RYR3: variants seen among roughly 807,000 people sequenced by gnomAD.
The protein encoded by RYR3 is brain ryanodine receptor-calcium release channel.
RYR3 carries 207 observed loss-of-function variants against 584.3 expected under a neutral mutation model. The observed-to-expected ratio is 0.35, with a 90% CI of 0.32 to 0.40. RYR3 has a LOEUF of 0.40. Ranked by LOEUF, RYR3 falls within the 10% of genes least tolerant of loss-of-function variation. The pLI, the probability that RYR3 is intolerant of heterozygous loss-of-function variation, is 1.00. For synonymous variants in RYR3, 2,416 were observed against 2,248.5 expected, an observed-to-expected ratio of 1.07 and a Z score of -2.11; for missense variants, 5,616 against 6,089.2, an observed-to-expected ratio of 0.92 and a Z score of 2.59.
At chr15:33,746,785 A>G (rs1364481317) in intron 53 of RYR3, among the ~76,000 whole-genome samples, 1 of 150,476 alleles carries the variant, frequency 6.6e-6, no homozygotes, top group Non-Finnish European at 1.5e-5. Flanking sequence ...TCAGACAAAA[A>G]TAATTTCTTT....
intron 12 of RYR3, 145 bp downstream of exon 12, chr15:33,566,944 T>A: frequency 1.1e-6 from 1 of 951,352 alleles, no homozygotes; most frequent in Non-Finnish European, 1.6e-6. Flanking sequence ...AGCTTGAGAC[T>A]GAAACATATT....
At chr15:33,740,771 A>G (rs924169416) in intron 51 of RYR3, among the ~76,000 whole-genome samples, 1 of 152,230 alleles carries the variant, frequency 6.6e-6, no homozygotes, top group Non-Finnish European at 1.5e-5. Flanking sequence ...CCTGTCCTTC[A>G]TGGCAGTAGT....
chr15:33,678,639 C>T (rs1439656332), intron 38 of RYR3, among the ~76,000 whole-genome samples: 2 of 152,074 alleles, frequency 1.3e-5, no homozygotes, highest in South Asian at 2.1e-4. Flanking sequence ...CCAAGGAAGC[C>T]GATATAGAAA....
intron 91 of RYR3, 48 bp from the exon 92 acceptor site, chr15:33,843,440 C>CT (rs1253516672): frequency 5.1e-6 from 7 of 1,361,742 alleles, no homozygotes; most frequent in Non-Finnish European, 7.2e-6. Context: ...AGGAAGTTCT[C>CT]TTTTCCTTCC....
chr15:33,423,031 T>C (rs565585653), intron 1 of RYR3, among the ~76,000 whole-genome samples: 1 of 152,334 alleles, frequency 6.6e-6, no homozygotes, highest in East Asian at 1.9e-4. Flanking sequence ...TTTAACAAGT[T>C]TTAATTTTAA....
chr15:33,464,573 AAT>A (rs2048339634), intron 1 of RYR3, among the ~76,000 whole-genome samples: 1 of 147,948 alleles, frequency 6.8e-6, no homozygotes, highest in Non-Finnish European at 1.5e-5. Flanking sequence ...ATATGTATTT[AAT>A]ATATAATGTA....
At chr15:33,347,485 C>T (rs1383999212) in intron 1 of RYR3, among the ~76,000 whole-genome samples, 3 of 148,456 alleles carry the variant, frequency 2.0e-5, no homozygotes, top group African/African-American at 7.5e-5. Flanking sequence ...CTTGCTCTGT[C>T]GCCCAGGCTG....
At chr15:33,535,648 T>C (rs58033263) in intron 5 of RYR3, among the ~76,000 whole-genome samples, 1,585 of 152,338 alleles carry the variant, frequency 0.01, 32 homozygotes, top group African/African-American at 0.036. Context: ...GTAAAATAAC[T>C]TGATACTTTT....
intron 67 of RYR3, among the ~76,000 whole-genome samples, chr15:33,796,477 T>C (rs985786399): frequency 1.3e-5 from 2 of 152,200 alleles, no homozygotes; most frequent in Admixed American, 1.3e-4. Flanking sequence ...TCCTTCCTTC[T>C]GCCACCCCCC....
intron 1 of RYR3, among the ~76,000 whole-genome samples, chr15:33,331,415 A>G (rs1970363916): frequency 6.6e-6 from 1 of 152,150 alleles, no homozygotes; most frequent in African/African-American, 2.4e-5. Context: ...TTTTATAAGG[A>G]TGCACTGAAG....
intron 1 of RYR3, among the ~76,000 whole-genome samples, chr15:33,332,859 G>A (rs1970520261): frequency 6.6e-6 from 1 of 152,030 alleles, no homozygotes; most frequent in Non-Finnish European, 1.5e-5. Context: ...AAAATTTTCT[G>A]TAGCAGAACA....
intron 10 of RYR3, among the ~76,000 whole-genome samples, chr15:33,554,217 C>A (rs1193943423): frequency 6.6e-6 from 1 of 151,880 alleles, no homozygotes; most frequent in Non-Finnish European, 1.5e-5. Context: ...TTGAAAAATG[C>A]TTGCTGAAGG....
intron 100 of RYR3, 62 bp downstream of exon 100, chr15:33,859,793 C>A: frequency 6.7e-7 from 1 of 1,489,872 alleles, no homozygotes; most frequent in South Asian, 1.2e-5. Context: ...TGCTTTCTTC[C>A]ATCTATGACT....
Position 33,838,363 on chromosome 15 carries a change from G to A in RYR3, c.12383G>A (p.Gly4128Asp). ...EDSSYVLEIA[G>D]EEEEDGSLEP... is the part of the protein sequence containing the mutation. ...TCTTCTTACGTGTTAGAAATTGCGGGTGAAGAGGAAGAAGACGGGTCTCTT... is the reference window on the plus strand; with the variant it reads ...TCTTCTTACGTGTTAGAAATTGCGGATGAAGAGGAAGAAGACGGGTCTCTT... Residue 4128 changes from glycine to aspartate, a missense_variant, in exon 89 of 104, where the codon GGT becomes GAT. Around this residue, in one of 9 missense-constraint regions of RYR3, gnomAD observed 258 missense variants for 297.3 expected, o/e 0.87. Transcript: ENST00000634891. The A allele has an allele frequency of 6.2e-7, 1 of 1,614,002 alleles. No homozygotes were observed. The highest frequency in any genetic ancestry group is 8.5e-7 in the Non-Finnish European group (1 of 1,179,888).
At chr15:33,382,319 CTTTT>C (rs34767570) in intron 1 of RYR3, among the ~76,000 whole-genome samples, 26 of 104,786 alleles carry the variant, frequency 2.5e-4, no homozygotes, top group Non-Finnish European at 3.7e-4. Flanking sequence ...TTAAAAGTGG[CTTTT>C]TTTTTTTTTT....
At chr15:33,477,582 A>C (rs1470316386) in intron 2 of RYR3, among the ~76,000 whole-genome samples, 6 of 150,552 alleles carry the variant, frequency 4.0e-5, no homozygotes, top group Admixed American at 4.0e-4. Flanking sequence ...TGTTAAAAAA[A>C]AAAAAAAAAA....
At chr15:33,438,101 G>A (rs1380681773) in intron 1 of RYR3, among the ~76,000 whole-genome samples, 3 of 152,152 alleles carry the variant, frequency 2.0e-5, no homozygotes, top group Non-Finnish European at 2.9e-5. Context: ...CAGAAACGAT[G>A]TGATGTTTTT....
chr15:33,804,763 T>C (rs190409199), intron 69 of RYR3, among the ~76,000 whole-genome samples: 7 of 152,336 alleles, frequency 4.6e-5, no homozygotes, highest in Admixed American at 3.9e-4. Context: ...CAATTAGATG[T>C]TCTCTCTACT....
In RYR3 at chr15:33,474,011, G is replaced by A. The variant is rs549287375; in HGVS notation, c.171+473G>A. Among the ~76,000 whole-genome samples the A allele has an allele frequency of 1.6e-3, 242 of 152,298 alleles. 1 individual carries two copies. The highest frequency in any genetic ancestry group is 1.8e-3 in the Non-Finnish European group (123 of 68,018). ...TGTAACTGTCTGCCCACTGTGACAC[G>A]AGGGCAGAGAGTAATGTTTGCACTG... is the stretch of plus-strand genomic sequence containing the variant. On this transcript the variant is annotated intron_variant, in intron 2 of 103. Coordinates refer to ENST00000634891, the MANE Select transcript of RYR3 (RefSeq NM_001036.6).
Sources: gnomAD v4.1 joint callset for allele counts (sites outside exome capture counted in the v4.1 genomes callset) on GRCh38, gnomAD v4.1.1 for gene constraint, gnomAD v4.1.1 regional missense constraint, MANE v1.5 for transcripts, NCBI Gene and HGNC (gene_info 2026-07-23, HGNC 2026-07-21) for gene names.